DPP10: variants seen among roughly 807,000 people sequenced by gnomAD.
The protein encoded by DPP10 is dipeptidyl peptidase like 10.
A neutral mutation model predicts 120.9 loss-of-function variants in DPP10; 33 were observed. The ratio of observed to expected loss-of-function variants is 0.27; its 90% confidence interval spans 0.21 to 0.37. The LOEUF (loss-of-function observed/expected upper bound fraction) is 0.37. DPP10 is among the 10% of genes least tolerant of loss of function. DPP10 has a pLI of 1.00. For missense variants in DPP10, 816 were observed against 942.8 expected, an observed-to-expected ratio of 0.87 and a Z score of 1.76; for synonymous variants, 337 against 326.1, an observed-to-expected ratio of 1.03 and a Z score of -0.36.
At chr2:115,045,045 A>T (rs886086986) in intron 1 of DPP10, among the ~76,000 whole-genome samples, 6 of 152,140 alleles carry the variant, frequency 3.9e-5, no homozygotes, top group African/African-American at 1.4e-4. Flanking sequence ...TAGATCCCAA[A>T]TCTTGGCTAT....
intron 1 of DPP10, among the ~76,000 whole-genome samples, chr2:114,587,568 C>T (rs750177869): frequency 4.6e-5 from 7 of 151,902 alleles, no homozygotes; most frequent in Admixed American, 3.9e-4. Flanking sequence ...GAAACAAATC[C>T]CTGGAGCTTG....
chr2:115,441,355 C>A (rs535074059), intron 3 of DPP10, among the ~76,000 whole-genome samples: 1 of 152,072 alleles, frequency 6.6e-6, no homozygotes, highest in Admixed American at 6.6e-5. Flanking sequence ...CTAGATTTAG[C>A]TATTTGATAT....
intron 1 of DPP10, among the ~76,000 whole-genome samples, chr2:115,146,456 A>C (rs1281759041): frequency 6.6e-6 from 1 of 152,074 alleles, no homozygotes; most frequent in African/African-American, 2.4e-5. Flanking sequence ...TATATAAAAT[A>C]AATTATACTA....
In DPP10 at chr2:115,236,162, GCTATA is replaced by G. The variant is rs545671617; in HGVS notation, c.61-73075_61-73071del. 4.6e-5 allele frequency among the ~76,000 whole-genome samples: 7 copies of G among 152,220 alleles called. No individual in the cohort carries two copies. In the East Asian group the frequency reaches 1.4e-3, roughly 29 times the overall value. On this transcript the variant is annotated intron_variant, in intron 1 of 25. Coordinates refer to ENST00000410059, the MANE Select transcript of DPP10 (RefSeq NM_020868.6). Reference sequence around the variant, plus strand: ...GTTCTTTTTGCGTGTCTGACAGTATGCTATACATTGTCACTAAACCCCCAAAGAAA... The same window carrying G: ...GTTCTTTTTGCGTGTCTGACAGTATGCATTGTCACTAAACCCCCAAAGAAA...
In DPP10 at chr2:115,054,635, C is replaced by A. The variant is rs75288744; in HGVS notation, c.61-254604C>A. Among the ~76,000 whole-genome samples the A allele has an allele frequency of 5.0e-3, 754 of 152,208 alleles. 42 individuals are homozygous for A. In the East Asian group the frequency reaches 0.12, roughly 25 times the overall value. ...ATTTTAGAAATACATATTATAGGCC[C>A]AGGGCGACGGCTCATGCCTAGAATC... On this transcript the variant is annotated intron_variant, in intron 1 of 25. Coordinates refer to ENST00000410059, the MANE Select transcript of DPP10 (RefSeq NM_020868.6).
chr2:114,931,062 C>T (rs574602094), intron 1 of DPP10, among the ~76,000 whole-genome samples: 2 of 152,222 alleles, frequency 1.3e-5, no homozygotes, highest in South Asian at 2.1e-4. Context: ...TAAGAAGTTT[C>T]CAACTTTCTC....
At chr2:114,685,238 T>G (rs370129996) in intron 1 of DPP10, among the ~76,000 whole-genome samples, 3 of 151,948 alleles carry the variant, frequency 2.0e-5, no homozygotes, top group Admixed American at 6.6e-5. Context: ...ACTTGTGTGT[T>G]AATTTCCTCA....
chr2:115,539,296 T>C (rs569095288), intron 5 of DPP10, among the ~76,000 whole-genome samples: 1 of 151,864 alleles, frequency 6.6e-6, no homozygotes, highest in Non-Finnish European at 1.5e-5. Flanking sequence ...AGAAAAGAAG[T>C]TAGATATATT....
chr2:114,531,057 G>A (rs988870778), intron 1 of DPP10, among the ~76,000 whole-genome samples: 4 of 152,106 alleles, frequency 2.6e-5, no homozygotes, highest in African/African-American at 9.7e-5. Flanking sequence ...TCCACAGGGG[G>A]ATACATGAGG....
intron 1 of DPP10, among the ~76,000 whole-genome samples, chr2:114,715,036 C>G (rs1232144458): frequency 6.6e-6 from 1 of 152,100 alleles, no homozygotes; most frequent in African/African-American, 2.4e-5. Context: ...GTCACATTTC[C>G]TAGTCTCTAC....
intron 5 of DPP10, among the ~76,000 whole-genome samples, chr2:115,531,304 G>A (rs1001303461): frequency 2.0e-5 from 3 of 152,018 alleles, no homozygotes; most frequent in South Asian, 4.1e-4. Flanking sequence ...TTTGACAAGC[G>A]TAAGTGATTC....
intron 1 of DPP10, among the ~76,000 whole-genome samples, chr2:114,974,882 A>G (rs1158002529): frequency 2.0e-5 from 3 of 152,012 alleles, no homozygotes; most frequent in African/African-American, 7.2e-5. Context: ...AAATATACAT[A>G]TATAATAATA....
At chr2:115,612,625 A>T (rs1043600628) in intron 5 of DPP10, among the ~76,000 whole-genome samples, 1 of 152,178 alleles carries the variant, frequency 6.6e-6, no homozygotes, top group African/African-American at 2.4e-5. Flanking sequence ...GCAGGCAGAC[A>T]TACTGGGTAT....
At chr2:114,610,690 C>T (rs1001822538) in intron 1 of DPP10, among the ~76,000 whole-genome samples, 1 of 152,088 alleles carries the variant, frequency 6.6e-6, no homozygotes, top group African/African-American at 2.4e-5. Flanking sequence ...AGTCTGGTGA[C>T]GGCAACTCTC....
chr2:115,621,925 G>C (rs2084977704), intron 5 of DPP10, among the ~76,000 whole-genome samples: 1 of 152,046 alleles, frequency 6.6e-6, no homozygotes, highest in African/African-American at 2.4e-5. Context: ...TGGTCCGCCT[G>C]TCTCAGCCTC....
At chr2:115,777,342 G>A in intron 14 of DPP10, 43 bp downstream of exon 14, 1 of 1,519,584 alleles carries the variant, frequency 6.6e-7, no homozygotes. Context: ...AGTTAGCGTT[G>A]TCAAATGCCA....
chr2:114,914,698 C>T (rs1020331749), intron 1 of DPP10, among the ~76,000 whole-genome samples: 6 of 152,184 alleles, frequency 3.9e-5, no homozygotes, highest in Non-Finnish European at 8.8e-5. Flanking sequence ...CCTCACATAT[C>T]AACATTAACC....
intron 1 of DPP10, among the ~76,000 whole-genome samples, chr2:114,479,196 A>T (rs1244465182): frequency 3.3e-5 from 5 of 152,206 alleles, no homozygotes. Context: ...GATGTCAATT[A>T]TTCCCAAGTT....
intron 1 of DPP10, among the ~76,000 whole-genome samples, chr2:114,807,189 A>G (rs1165971125): frequency 6.6e-6 from 1 of 152,268 alleles, no homozygotes; most frequent in Non-Finnish European, 1.5e-5. Context: ...ATAGAACATT[A>G]TCTTTACCTA....
Sources: allele counts gnomAD v4.1 joint callset (sites outside exome capture counted in the v4.1 genomes callset), GRCh38; gene constraint gnomAD v4.1.1; transcripts MANE v1.5; gene names NCBI Gene and HGNC (gene_info 2026-07-23, HGNC 2026-07-21).